Variants in CBX8 observed in about 807,000 individuals in gnomAD.
The protein encoded by CBX8 is chromobox 8.
Under a neutral mutation model 39.7 loss-of-function variants are expected in CBX8, and 8 were observed. That is an observed-to-expected ratio of 0.20 (90% confidence interval 0.12 to 0.36). The LOEUF is 0.36. Among genes scored for constraint, CBX8 ranks in the 10% least tolerant of loss-of-function variants. CBX8 has a pLI of 1.00. For synonymous variants in CBX8, 268 were observed against 219.8 expected (o/e 1.22, Z -1.94); for missense variants, 505 against 529.6 (o/e 0.95, Z 0.46).
rs939273520 is a variant in CBX8, at chr17:79,793,815, T to C, written c.*820A>G. 2.0e-5 allele frequency: 3 copies of C among 152,364 alleles called. No homozygotes were observed. The East Asian group carries it at 5.8e-4, about 29-fold the overall frequency. 9.4% of individuals were successfully genotyped at this position (152,364 alleles called of 1,614,324 possible). ...TGTAAACAGATTCGCTGGATTTCTTTTCTTTCTGCGGAGTAAGGAAAGGAA... is the reference window on the plus strand; with the variant it reads ...TGTAAACAGATTCGCTGGATTTCTTCTCTTTCTGCGGAGTAAGGAAAGGAA... On this transcript the variant is annotated 3_prime_UTR_variant, in exon 5 of 5. Transcript: ENST00000269385.
rs1335770363 is a variant in CBX8, at chr17:79,796,135, AG to A, written c.180-13del. ...CCATCTCTCTTTCCCTGGAGAAAGAAGAAAAGGAGAAAGGGTGCGTGAGTAA... is the reference window on the plus strand; with the variant it reads ...CCATCTCTCTTTCCCTGGAGAAAGAAAAAAGGAGAAAGGGTGCGTGAGTAA... On this transcript the variant is annotated splice_polypyrimidine_tract_variant and intron_variant, in intron 3 of 4. Coordinates refer to ENST00000269385, the MANE Select transcript of CBX8 (RefSeq NM_020649.3). 4.3e-6 allele frequency: 7 copies of A among 1,613,348 alleles called. No homozygotes were observed. The Admixed American group carries it at 8.3e-5, about 19-fold the overall frequency.
At position 79,796,554 on chromosome 17, in the gene CBX8, G is replaced by A. The variant is rs745601044; in HGVS notation, c.70-14C>T. On this transcript the variant is annotated splice_polypyrimidine_tract_variant and intron_variant, in intron 1 of 4. Transcript: ENST00000269385. The stretch of plus-strand genomic sequence containing the variant: ...TTCCATGCGTCCCTGCGGGTGCAAA[G>A]GCGATAATGTGTGTGCATGGGGAGA... 4 of 1,614,038 alleles carry A rather than the reference G, an allele frequency of 2.5e-6. No individual in the cohort carries two copies. Among genetic ancestry groups the A allele is most frequent in the Middle Eastern group, 1.6e-4 (1 of 6,084 alleles).
In CBX8 at chr17:79,795,325, CCGCTCCCGGTCCCTATCCCGGTCT is replaced by C. The variant is rs1365829059; in HGVS notation, c.456_479del (p.Asp155_Arg162del). ...CTCGCTCCCTCTCCCTTTCTCGATC[CCGCTCCCGGTCCCTATCCCGGTCT>C]CGGTCCCGGTCCCGAGGGGCCTCTG... On this transcript the variant is annotated inframe_deletion, in exon 5 of 5. Transcript: ENST00000269385. The surrounding 1 kb of genome is among the most constrained non-coding windows in gnomAD (Gnocchi z 5.8). The C allele has an allele frequency of 5.1e-6, 8 of 1,581,976 alleles. No homozygotes were observed. Among genetic ancestry groups the C allele is most frequent in the Non-Finnish European group, 6.0e-6 (7 of 1,162,646 alleles).
At position 79,793,505 on chromosome 17, in the gene CBX8, G is replaced by GA. The variant is rs1166918193; in HGVS notation, c.*1129dup. 2.0e-5 allele frequency: 3 copies of GA among 152,542 alleles called. No homozygotes were observed. The highest frequency in any genetic ancestry group is 7.2e-5 in the African/African-American group (3 of 41,442). The allele number at this position is 152,542 out of a possible 1,614,324, so 9.4% of individuals were successfully genotyped here. ...CTGGCCGTGGAGAGGCCCTGGGTGC[G>GA]AAGCCACTGCTCCTAGCAGCGCCCG... On this transcript the variant is annotated 3_prime_UTR_variant, in exon 5 of 5. Coordinates refer to ENST00000269385, the MANE Select transcript of CBX8 (RefSeq NM_020649.3).
intron 3 of CBX8, 25 bp downstream of exon 3, chr17:79,796,225 G>T (rs777589178): frequency 6.2e-7 from 1 of 1,614,134 alleles, no homozygotes; most frequent in Non-Finnish European, 8.5e-7. Context: ...CTAAGTGAGC[G>T]GCTGGGACTT....
At chr17:79,796,604 T>C (rs887539788) in intron 1 of CBX8, 64 bp from the exon 2 acceptor site, 22 of 1,585,292 alleles carry the variant, frequency 1.4e-5, no homozygotes, top group Non-Finnish European at 1.8e-5. Flanking sequence ...ATACAAGAAA[T>C]GCATGCGAAA....
At chr17:79,796,811 C>A in intron 1 of CBX8, 119 bp downstream of exon 1, 1 of 1,010,952 alleles carries the variant, frequency 9.9e-7, no homozygotes, top group Admixed American at 2.9e-5. Flanking sequence ...GCCGCCGCCA[C>A]GGCCGCGGCC....
At position 79,795,888 on chromosome 17, in the gene CBX8, G is replaced by C. The variant is rs534748488; in HGVS notation, c.246+169C>G. Among the ~76,000 whole-genome samples the C allele has an allele frequency of 6.6e-6, 1 of 152,310 alleles. No individual in the cohort carries two copies. The highest frequency in any genetic ancestry group is 1.9e-4 in the East Asian group (1 of 5,188). On this transcript the variant is annotated intron_variant, in intron 4 of 4. Coordinates refer to ENST00000269385, the MANE Select transcript of CBX8 (RefSeq NM_020649.3). This position sits in a 1 kb window ranked among gnomAD's most constrained non-coding sequence, Gnocchi z 5.8. The stretch of plus-strand genomic sequence containing the variant: ...TAGTGTGGCCAAGCCCGTCCCCCCA[G>C]ACACAGTTGGTGCTGCTACTGACTT...
Position 79,795,592 on chromosome 17 carries a change from AG to A in CBX8, c.247-35del. On this transcript the variant is annotated intron_variant, in intron 4 of 4. Transcript: ENST00000269385. The surrounding 1 kb of genome is among the most constrained non-coding windows in gnomAD (Gnocchi z 5.8). ...GAGAAGATGGTCTCAAGAGTGGGGCAGGGCCCTGTCCACCCCCACAGGACTC... is the reference window on the plus strand; with the variant it reads ...GAGAAGATGGTCTCAAGAGTGGGGCAGGCCCTGTCCACCCCCACAGGACTC... 1 of 1,453,340 alleles carries A rather than the reference AG, an allele frequency of 6.9e-7. No individual in the cohort carries two copies. The allele number at this position is 1,453,340 out of a possible 1,614,324, so 90.0% of individuals were successfully genotyped here. A position where few individuals can be genotyped will look rare whatever the true frequency, so the allele number is the denominator to read the frequency against.
chr17:79,796,475 G>A (rs751876951), intron 2 of CBX8, 22 bp downstream of exon 2: 6 of 1,613,948 alleles, frequency 3.7e-6, no homozygotes, highest in Admixed American at 1.7e-5. Flanking sequence ...CTGGGGTTGA[G>A]AATTGCATAT....
chr17:79,795,210 GCTT>G lies in CBX8; in HGVS notation c.592_594del (p.Lys198del). The G allele has an allele frequency of 6.2e-7, 1 of 1,613,098 alleles. No homozygotes were observed. Among genetic ancestry groups the G allele is most frequent in the Non-Finnish European group, 8.5e-7 (1 of 1,179,712 alleles). ...AGCTCCTTCCGGGGCTTGGGGCCTC[GCTT>G]CTTCGAGCTGTCCCCCGGTGAGCTG... is the stretch of plus-strand genomic sequence containing the variant. On this transcript the variant is annotated inframe_deletion, in exon 5 of 5. Transcript: ENST00000269385. This position sits in a 1 kb window ranked among gnomAD's most constrained non-coding sequence, Gnocchi z 5.8.
At chr17:79,796,846 A>G in intron 1 of CBX8, 84 bp downstream of exon 1, 2 of 1,269,180 alleles carry the variant, frequency 1.6e-6, no homozygotes, top group Non-Finnish European at 2.2e-6. Context: ...GGGGAAGGGA[A>G]GCTGGGCTGC....
rs933134624 is a variant in CBX8 at position 79,795,973 on chromosome 17, C to T, written c.246+84G>A. 4 of 1,223,150 alleles carry T rather than the reference C, an allele frequency of 3.3e-6. No individual in the cohort carries two copies. Among genetic ancestry groups the T allele is most frequent in the South Asian group, 2.5e-5 (2 of 80,066 alleles). The allele number at this position is 1,223,150 out of a possible 1,614,324, so 75.8% of individuals were successfully genotyped here. A position where few individuals can be genotyped will look rare whatever the true frequency, so the allele number is the denominator to read the frequency against. Reference sequence around the variant, plus strand: ...ACAAATAGGCAACATGTGTGGACACCCCATTGGCTCACAGCCCTCAGAGCC... The same window carrying T: ...ACAAATAGGCAACATGTGTGGACACTCCATTGGCTCACAGCCCTCAGAGCC... On this transcript the variant is annotated intron_variant, in intron 4 of 4. Coordinates refer to ENST00000269385, the MANE Select transcript of CBX8 (RefSeq NM_020649.3). This position sits in a 1 kb window ranked among gnomAD's most constrained non-coding sequence, Gnocchi z 5.8.
chr17:79,796,231 G>A lies in CBX8; in HGVS notation c.179+19C>T. The stretch of plus-strand genomic sequence containing the variant: ...TACTTGTTTCTAAGTGAGCGGCTGG[G>A]ACTTGGAAGGGTCTGTACCTTTCCT... On this transcript the variant is annotated intron_variant, in intron 3 of 4. Transcript: ENST00000269385. 4 of 1,614,140 alleles carry A rather than the reference G, an allele frequency of 2.5e-6. No individual in the cohort carries two copies. The highest frequency in any genetic ancestry group is 3.4e-6 in the Non-Finnish European group (4 of 1,180,002).
rs996460192 is a variant in CBX8 at position 79,794,581 on chromosome 17, A to T, written c.*54T>A. ...ACCCAGAAATAAAAATCACTATGCC[A>T]AGCTCACGCTCACTCTCTCCCCTGC... is the stretch of plus-strand genomic sequence containing the variant. On this transcript the variant is annotated 3_prime_UTR_variant, in exon 5 of 5. Transcript: ENST00000269385. 7 of 1,363,564 alleles carry T rather than the reference A, an allele frequency of 5.1e-6. No individual in the cohort carries two copies. The highest frequency in any genetic ancestry group is 7.0e-6 in the Non-Finnish European group (7 of 1,002,208). The allele number at this position is 1,363,564 out of a possible 1,614,324, so 84.5% of individuals were successfully genotyped here.
rs1598235298 is a variant in CBX8 at position 79,795,154 on chromosome 17, T to C, written c.651A>G (p.Glu217=). ...LPDPSQRPLG[E]PSAGLGEYLK... is the part of the protein sequence containing the mutation. ...GGTACTCTCCGAGGCCGGCGCTGGG[T>C]TCGCCTAAGGGCCTCTGTGAGGGGT... is the stretch of plus-strand genomic sequence containing the variant. The change falls in exon 5 of 5, where the codon GAA becomes GAG. Residue 217 remains glutamate (E), a synonymous_variant. Transcript: ENST00000269385. This position sits in a 1 kb window ranked among gnomAD's most constrained non-coding sequence, Gnocchi z 5.8. 6.2e-7 allele frequency: 1 copy of C among 1,613,632 alleles called. No individual in the cohort carries two copies. The highest frequency in any genetic ancestry group is 8.5e-7 in the Non-Finnish European group (1 of 1,179,954).
In CBX8 at chr17:79,796,957, T is replaced by C; in HGVS notation, c.42A>G (p.Glu14=). 1 of 1,610,402 alleles carries C rather than the reference T, an allele frequency of 6.2e-7. No homozygotes were observed. The highest frequency in any genetic ancestry group is 8.5e-7 in the Non-Finnish European group (1 of 1,178,814). The part of the protein sequence containing the change: ...SAVGERVFAA[E]ALLKRRIRKG... Reference sequence around the variant, plus strand: ...TCCGTATGCGCCGCTTCAGGAGGGCTTCGGCCGCGAACACCCGCTCCCCCA... The same window carrying C: ...TCCGTATGCGCCGCTTCAGGAGGGCCTCGGCCGCGAACACCCGCTCCCCCA... The change falls in exon 1 of 5, where the codon GAA becomes GAG. Residue 14 remains glutamate, a synonymous_variant. Transcript: ENST00000269385.
intron 1 of CBX8, 22 bp downstream of exon 1, chr17:79,796,908 C>A: frequency 6.3e-7 from 1 of 1,593,256 alleles, no homozygotes; most frequent in Non-Finnish European, 8.5e-7. Flanking sequence ...CGCACGGAGG[C>A]CCTAGGCCCG....
At chr17:79,796,403 CATTGTATTGTATTTCA>C in intron 2 of CBX8, 78 bp downstream of exon 2, 2 of 1,593,472 alleles carry the variant, frequency 1.3e-6, no homozygotes, top group South Asian at 1.1e-5. Context: ...TTTCTCATTG[CATTGTATTGTATTTCA>C]ATGTAAAGGC....
Sources: gnomAD v4.1 joint callset for allele counts (sites outside exome capture counted in the v4.1 genomes callset) on GRCh38, gnomAD v4.1.1 for gene constraint, Gnocchi (gnomAD v3.1) non-coding constraint, MANE v1.5 for transcripts, NCBI Gene and HGNC (gene_info 2026-07-23, HGNC 2026-07-21) for gene names.